The following MBD5 variants were observed in gnomAD, a reference collection of about 807,000 sequenced individuals.
The protein encoded by MBD5 is methyl-CpG binding domain protein 5.
MBD5 carries 13 observed loss-of-function variants against 117.3 expected under a neutral mutation model. The ratio of observed to expected loss-of-function variants is 0.11; its 90% confidence interval spans 0.07 to 0.18. The LOEUF (loss-of-function observed/expected upper bound fraction) is 0.18. Among genes scored for constraint, MBD5 ranks in the 10% least tolerant of loss-of-function variants. The pLI is 1.00. For missense variants in MBD5, 1,879 were observed against 2,093.8 expected, an observed-to-expected ratio of 0.90 and a Z score of 2.00; for synonymous variants, 727 against 766.4, an observed-to-expected ratio of 0.95 and a Z score of 0.85.
At chr2:148,031,094 A>G (rs1306727054) in intron 1 of MBD5, among the ~76,000 whole-genome samples, 1 of 152,188 alleles carries the variant, frequency 6.6e-6, no homozygotes, top group East Asian at 1.9e-4. Context: ...TGGGAATAAG[A>G]TGAACTTTAT....
intron 1 of MBD5, among the ~76,000 whole-genome samples, chr2:148,150,811 A>C (rs1361621596): frequency 1.3e-5 from 2 of 152,132 alleles, no homozygotes; most frequent in Non-Finnish European, 2.9e-5. Flanking sequence ...GACTTTGCTG[A>C]AGTTGCTTAT....
At chr2:148,486,899 T>C (rs980468909) in intron 10 of MBD5, among the ~76,000 whole-genome samples, 8 of 152,332 alleles carry the variant, frequency 5.3e-5, no homozygotes, top group African/African-American at 1.9e-4. Flanking sequence ...TATCAGATTT[T>C]TTAAATATCT....
chr2:148,448,902 A>G (rs963068314), intron 4 of MBD5, among the ~76,000 whole-genome samples: 2 of 152,026 alleles, frequency 1.3e-5, no homozygotes, highest in Non-Finnish European at 2.9e-5. Flanking sequence ...GTACTCTTAA[A>G]TTGGTTATGT....
Position 148,021,373 on chromosome 2 carries a change from C to T in MBD5, c.-1236C>T. The T allele has an allele frequency of 2.2e-6, 1 of 456,092 alleles. No homozygotes were observed. 28.3% of individuals were successfully genotyped at this position (456,092 alleles called of 1,614,324 possible). On this transcript the variant is annotated 5_prime_UTR_variant, in exon 1 of 14. Coordinates refer to ENST00000642680, the MANE Select transcript of MBD5 (RefSeq NM_001378120.1). ...CCCCCTCACCCCTCCAACTCGCCTC[C>T]CTCCCTCCACCCTCCTCCTCTTTGG...
At chr2:148,357,971 A>G (rs1703429543) in intron 4 of MBD5, among the ~76,000 whole-genome samples, 1 of 152,074 alleles carries the variant, frequency 6.6e-6, no homozygotes, top group Non-Finnish European at 1.5e-5. Flanking sequence ...CTACAGATCA[A>G]TGGGTCTTGT....
At chr2:148,040,887 C>G (rs918544659) in intron 1 of MBD5, among the ~76,000 whole-genome samples, 1 of 152,032 alleles carries the variant, frequency 6.6e-6, no homozygotes, top group East Asian at 1.9e-4. Flanking sequence ...AAGCCCCTCA[C>G]GTGATGGCTT....
In MBD5 at chr2:148,476,349, G is replaced by A. The variant is rs565299879; in HGVS notation, c.2518+5888G>A. Among the ~76,000 whole-genome samples, 25 of 152,238 alleles carry A rather than the reference G, an allele frequency of 1.6e-4. 1 individual carries two copies. The highest frequency in any genetic ancestry group is 6.8e-3 in the Middle Eastern group (2 of 294). The stretch of plus-strand genomic sequence containing the variant: ...AATTAACTTGCATTACAGTCCATTA[G>A]ACATACATTTATAATGTGTAACAAA... On this transcript the variant is annotated intron_variant, in intron 8 of 13. Coordinates refer to ENST00000642680, the MANE Select transcript of MBD5 (RefSeq NM_001378120.1).
At chr2:148,106,823 A>G (rs1696384184) in intron 1 of MBD5, among the ~76,000 whole-genome samples, 2 of 151,858 alleles carry the variant, frequency 1.3e-5, no homozygotes, top group Non-Finnish European at 2.9e-5. Context: ...TTTTTATTAC[A>G]TTTTTCCAAT....
chr2:148,026,926 A>G, intron 1 of MBD5: 1 of 131,784 alleles, frequency 7.6e-6, no homozygotes, highest in East Asian at 2.7e-4. Context: ...AAATAAATAA[A>G]TAAACAAATA....
chr2:148,512,686 T>C (rs1005159406), intron 13 of MBD5, among the ~76,000 whole-genome samples, 184 bp from the exon 14 acceptor site: 1 of 152,230 alleles, frequency 6.6e-6, no homozygotes, highest in African/African-American at 2.4e-5. Context: ...CTGCATTCTC[T>C]GTAGTGACTG....
chr2:148,256,778 G>A (rs1415787294), intron 3 of MBD5, among the ~76,000 whole-genome samples: 2 of 152,232 alleles, frequency 1.3e-5, no homozygotes, highest in Non-Finnish European at 2.9e-5. Flanking sequence ...AAGGCTCAGG[G>A]TCTAGGGGTG....
chr2:148,278,006 C>T (rs1182050383), intron 3 of MBD5, among the ~76,000 whole-genome samples: 1 of 152,154 alleles, frequency 6.6e-6, no homozygotes, highest in African/African-American at 2.4e-5. Context: ...ACAGAACCTC[C>T]ATCACCCACG....
intron 4 of MBD5, among the ~76,000 whole-genome samples, chr2:148,439,766 G>T (rs1490589858): frequency 3.6e-5 from 5 of 139,326 alleles, no homozygotes; most frequent in Non-Finnish European, 6.1e-5. Context: ...TAGAGATGCA[G>T]TTTAGCCCTG....
At chr2:148,290,738 C>T (rs1287885520) in intron 3 of MBD5, among the ~76,000 whole-genome samples, 1 of 152,000 alleles carries the variant, frequency 6.6e-6, no homozygotes, top group Non-Finnish European at 1.5e-5. Flanking sequence ...ACGAATATAC[C>T]ACATTTCATT....
intron 3 of MBD5, among the ~76,000 whole-genome samples, chr2:148,292,009 C>T (rs1302044131): frequency 6.6e-6 from 1 of 152,098 alleles, no homozygotes; most frequent in Admixed American, 6.5e-5. Flanking sequence ...ACTCAATAAT[C>T]GTATGCAAAA....
chr2:148,234,926 G>A lies in MBD5; in HGVS notation c.-680+1531G>A, dbSNP rs201176728. ...CTAAAAATTGATCATTGTTTAATTA[G>A]TAGAAATATTCTCATAAACCATGCT... On this transcript the variant is annotated intron_variant, in intron 3 of 13. Coordinates refer to ENST00000642680, the MANE Select transcript of MBD5 (RefSeq NM_001378120.1). Among the ~76,000 whole-genome samples the A allele has an allele frequency of 1.2e-4, 19 of 152,068 alleles. No individual in the cohort carries two copies. In the East Asian group the frequency reaches 3.7e-3, roughly 29 times the overall value.
chr2:148,275,981 A>T (rs1416356408), intron 3 of MBD5, among the ~76,000 whole-genome samples: 1 of 151,942 alleles, frequency 6.6e-6, no homozygotes, highest in Non-Finnish European at 1.5e-5. Context: ...TTTTAATTTG[A>T]AATGTTTCTT....
At chr2:148,471,354 C>G (rs1174442664) in intron 8 of MBD5, 1 of 152,020 alleles carries the variant, frequency 6.6e-6, no homozygotes, top group East Asian at 1.9e-4. Flanking sequence ...TGTGTTGAGG[C>G]ATCAGAAAAT....
At chr2:148,144,910 A>T (rs1210523012) in intron 1 of MBD5, among the ~76,000 whole-genome samples, 3 of 152,232 alleles carry the variant, frequency 2.0e-5, no homozygotes, top group Non-Finnish European at 4.4e-5. Flanking sequence ...CTTTTGGCTT[A>T]GGATTGACTT....
Sources: gnomAD v4.1 joint callset for allele counts (sites outside exome capture counted in the v4.1 genomes callset) on GRCh38, gnomAD v4.1.1 for gene constraint, MANE v1.5 for transcripts, NCBI Gene and HGNC (gene_info 2026-07-23, HGNC 2026-07-21) for gene names.